The following RAB38 variants were observed in gnomAD, a reference collection of about 807,000 sequenced individuals.
The protein encoded by RAB38 is RAB38, member RAS oncogene family, also known as ras-related protein Rab-38.
Under a neutral mutation model 18.4 loss-of-function variants are expected in RAB38, and 15 were observed. The ratio of observed to expected loss-of-function variants is 0.82; its 90% CI spans 0.55 to 1.26. The LOEUF (loss-of-function observed/expected upper bound fraction) is 1.26. RAB38 is among the 50% of genes most tolerant of loss of function. The probability of loss-of-function intolerance (pLI) is 0.00; values close to 1 mark genes in which losing one functional copy is unlikely to be tolerated. For missense variants in RAB38, 294 were observed against 267.4 expected (o/e 1.10, Z -0.69); for synonymous variants, 101 against 104.4 (o/e 0.97, Z 0.20).
At chr11:87,861,578 T>C in the RAB38 span, among the ~76,000 whole-genome samples, 1 of 151,838 alleles carries the variant, frequency 6.6e-6, no homozygotes, top group African/African-American at 2.4e-5. Flanking sequence ...TTTTGCTTGT[T>C]GACTTTCTAG....
intron 2 of RAB38, among the ~76,000 whole-genome samples, chr11:88,145,590 C>G (rs149663356): frequency 2.4e-3 from 359 of 152,006 alleles, no homozygotes; most frequent in Non-Finnish European, 3.9e-3. Flanking sequence ...GTAGCAGAAC[C>G]CAGTCAGCCT....
At chr11:88,090,561 C>T in the RAB38 span, among the ~76,000 whole-genome samples, 1 of 151,074 alleles carries the variant, frequency 6.6e-6, no homozygotes, top group Non-Finnish European at 1.5e-5. Context: ...TTTATTAAAG[C>T]ATAGAAGGAA....
chr11:87,899,192 T>G, the RAB38 span, among the ~76,000 whole-genome samples: 1 of 151,646 alleles, frequency 6.6e-6, no homozygotes, highest in Non-Finnish European at 1.5e-5. Context: ...AGAGGTTTAC[T>G]GCACCGGGTG....
At chr11:87,898,995 C>T in the RAB38 span, among the ~76,000 whole-genome samples, 93 of 151,714 alleles carry the variant, frequency 6.1e-4, no homozygotes, top group African/African-American at 2.2e-3. Flanking sequence ...GGAGTAGTGC[C>T]ATTGTCAACA....
the RAB38 span, among the ~76,000 whole-genome samples, chr11:87,897,607 C>T: frequency 1.3e-5 from 2 of 151,470 alleles, no homozygotes; most frequent in Admixed American, 1.3e-4. Flanking sequence ...ATTTCTAGAG[C>T]AGATACACAT....
chr11:87,897,619 T>C, the RAB38 span, among the ~76,000 whole-genome samples: 1 of 151,604 alleles, frequency 6.6e-6, no homozygotes, highest in African/African-American at 2.4e-5. Context: ...GATACACATA[T>C]TTGCCTAAAT....
the RAB38 span, among the ~76,000 whole-genome samples, chr11:88,079,401 T>A: frequency 6.6e-6 from 1 of 151,832 alleles, no homozygotes; most frequent in Non-Finnish European, 1.5e-5. Flanking sequence ...AGTTCTATAT[T>A]ATTTAAGAAC....
intron 2 of RAB38, among the ~76,000 whole-genome samples, chr11:88,130,809 T>A (rs1004196812): frequency 6.6e-6 from 1 of 152,172 alleles, no homozygotes; most frequent in Non-Finnish European, 1.5e-5. Context: ...GAAGATTGGA[T>A]GAAGTCATAA....
At chr11:87,967,306 C>T in the RAB38 span, among the ~76,000 whole-genome samples, 1 of 152,124 alleles carries the variant, frequency 6.6e-6, no homozygotes, top group East Asian at 1.9e-4. Context: ...AGCAAAACAG[C>T]TGAATAAATT....
chr11:87,862,922 T>A, the RAB38 span, among the ~76,000 whole-genome samples: 1 of 151,884 alleles, frequency 6.6e-6, no homozygotes, highest in Non-Finnish European at 1.5e-5. Context: ...AACCATTACC[T>A]GTAAAGCACA....
At chr11:87,893,629 T>C in the RAB38 span, among the ~76,000 whole-genome samples, 1 of 151,580 alleles carries the variant, frequency 6.6e-6, no homozygotes, top group East Asian at 2.0e-4. Flanking sequence ...CTTTTTCATC[T>C]TATAAAACTC....
the RAB38 span, among the ~76,000 whole-genome samples, chr11:88,035,900 G>C: frequency 2.6e-5 from 4 of 151,064 alleles, no homozygotes; most frequent in African/African-American, 9.7e-5. Flanking sequence ...CTTAAATCCT[G>C]TTTGCCTTGA....
At chr11:88,132,072 G>A (rs1241794290) in intron 2 of RAB38, among the ~76,000 whole-genome samples, 1 of 152,182 alleles carries the variant, frequency 6.6e-6, no homozygotes, top group African/African-American at 2.4e-5. Flanking sequence ...TGAGAACACA[G>A]CTATGACCAG....
chr11:88,053,186 T>TAC, the RAB38 span, among the ~76,000 whole-genome samples: 1 of 110,362 alleles, frequency 9.1e-6, no homozygotes, highest in Admixed American at 1.1e-4. Flanking sequence ...AATATATATA[T>TAC]ACACACATAT....
the RAB38 span, among the ~76,000 whole-genome samples, chr11:87,885,044 T>C: frequency 6.6e-6 from 1 of 151,952 alleles, no homozygotes; most frequent in Non-Finnish European, 1.5e-5. Context: ...AATCAAATCA[T>C]CTGCAGGCAA....
At chr11:88,007,531 T>G in the RAB38 span, among the ~76,000 whole-genome samples, 1 of 151,944 alleles carries the variant, frequency 6.6e-6, no homozygotes, top group African/African-American at 2.4e-5. Context: ...AAATGCAAAT[T>G]AGAATAACAA....
the RAB38 span, among the ~76,000 whole-genome samples, chr11:88,067,890 A>C: frequency 6.6e-6 from 1 of 151,300 alleles, no homozygotes; most frequent in Non-Finnish European, 1.5e-5. Context: ...CGTTCTACAC[A>C]TGTATCCCAG....
At chr11:87,916,806 T>A in the RAB38 span, among the ~76,000 whole-genome samples, 1 of 152,186 alleles carries the variant, frequency 6.6e-6, no homozygotes, top group African/African-American at 2.4e-5. Flanking sequence ...TCCAGTCTAT[T>A]GACTTCTAAC....
chr11:88,098,778 T>G, the RAB38 span: 2 of 152,070 alleles, frequency 1.3e-5, no homozygotes, highest in African/African-American at 4.8e-5. Flanking sequence ...ATTAGAACCT[T>G]GATTTATTAG....
Sources: allele counts gnomAD v4.1 joint callset (sites outside exome capture counted in the v4.1 genomes callset), GRCh38; gene constraint gnomAD v4.1.1; transcripts MANE v1.5; gene names NCBI Gene and HGNC (gene_info 2026-07-23, HGNC 2026-07-21).